Variants in PARD3B observed in about 807,000 individuals in gnomAD.
PARD3B encodes partitioning defective 3 homolog B.
Under a neutral mutation model 130.2 loss-of-function variants are expected in PARD3B, and 103 were observed. That is an observed-to-expected ratio of 0.79 (90% CI 0.67 to 0.93). The LOEUF is 0.93. Among genes scored for constraint, PARD3B ranks in the 40% least tolerant of loss-of-function variants. The pLI is 0.00. For synonymous variants in PARD3B, 583 were observed against 553.2 expected, an observed-to-expected ratio of 1.05 and a Z score of -0.76; for missense variants, 1,609 against 1,499.2, an observed-to-expected ratio of 1.07 and a Z score of -1.21.
At chr2:205,315,330 G>A (rs562513640) in intron 18 of PARD3B, among the ~76,000 whole-genome samples, 2 of 152,040 alleles carry the variant, frequency 1.3e-5, no homozygotes, top group Non-Finnish European at 2.9e-5. Flanking sequence ...GAGTGGCCCC[G>A]AGACTAAACG....
rs2030291784 is a variant in PARD3B, at chr2:205,119,002, T to C, written c.762T>C (p.Ile254=). 1.9e-6 allele frequency: 3 copies of C among 1,611,124 alleles called. No homozygotes were observed. Among genetic ancestry groups the C allele is most frequent in the African/African-American group, 2.7e-5 (2 of 74,776 alleles). ...REGLFHENEC[I]VKINNVDLVD... ...GACTATTTCACGAAAATGAATGTAT[T>C]GTAAAAATCAACAATGTGGATCTCG... Residue 254 remains isoleucine, a synonymous_variant, in exon 7 of 23, where the codon ATT becomes ATC. Coordinates refer to ENST00000406610, the MANE Select transcript of PARD3B (RefSeq NM_001302769.2).
At chr2:205,436,620 TTAAA>T (rs2047526011) in intron 19 of PARD3B, among the ~76,000 whole-genome samples, 1 of 152,156 alleles carries the variant, frequency 6.6e-6, no homozygotes, top group African/African-American at 2.4e-5. Context: ...AAATATAGTA[TTAAA>T]TAACATGGGC....
chr2:204,999,239 T>C (rs1277723144), intron 3 of PARD3B, among the ~76,000 whole-genome samples: 1 of 152,144 alleles, frequency 6.6e-6, no homozygotes, highest in Non-Finnish European at 1.5e-5. Flanking sequence ...ATTATCGTTG[T>C]CATCATCATT....
chr2:204,612,584 T>G (rs2033967853), intron 1 of PARD3B, among the ~76,000 whole-genome samples: 1 of 152,224 alleles, frequency 6.6e-6, no homozygotes, highest in Non-Finnish European at 1.5e-5. Flanking sequence ...TGTCTGTGCA[T>G]GTATATATCT....
intron 10 of PARD3B, among the ~76,000 whole-genome samples, chr2:205,154,866 G>A (rs1350651418): frequency 2.0e-5 from 3 of 152,118 alleles, no homozygotes; most frequent in Non-Finnish European, 4.4e-5. Flanking sequence ...TGGACACAGG[G>A]TGGGGAACTT....
intron 2 of PARD3B, among the ~76,000 whole-genome samples, chr2:204,918,744 T>G (rs1402297222): frequency 6.6e-6 from 1 of 152,208 alleles, no homozygotes; most frequent in Non-Finnish European, 1.5e-5. Flanking sequence ...CAGTTTGTTC[T>G]TTTTGAGGGA....
chr2:204,914,611 T>C (rs936259742), intron 2 of PARD3B, among the ~76,000 whole-genome samples: 3 of 152,116 alleles, frequency 2.0e-5, no homozygotes, highest in Non-Finnish European at 4.4e-5. Flanking sequence ...ATGTATCATG[T>C]AGGAATTGTT....
At chr2:204,674,780 A>G (rs998035704) in intron 1 of PARD3B, among the ~76,000 whole-genome samples, 2 of 152,178 alleles carry the variant, frequency 1.3e-5, no homozygotes, top group South Asian at 2.1e-4. Flanking sequence ...AGTCATTCAT[A>G]TACACAAAGA....
intron 2 of PARD3B, among the ~76,000 whole-genome samples, chr2:204,710,056 T>TAAA (rs1211438115): frequency 6.6e-6 from 1 of 152,114 alleles, no homozygotes; most frequent in Non-Finnish European, 1.5e-5. Flanking sequence ...ACTCGTAGAG[T>TAAA]TACCTGTCTA....
chr2:205,473,685 TA>T lies in PARD3B; in HGVS notation c.3045-26210del, dbSNP rs1403766608. On this transcript the variant is annotated intron_variant, in intron 20 of 22. Transcript: ENST00000406610. This position sits in a 1 kb window ranked among gnomAD's most constrained non-coding sequence, Gnocchi z 4.9. ...GTGTGTGTGTGTGTGTGTGTGTATG[TA>T]TATATATATATATATATATATATAC... Among the ~76,000 whole-genome samples, 1 of 22,446 alleles carries T rather than the reference TA, an allele frequency of 4.5e-5. No homozygotes were observed. The highest frequency in any genetic ancestry group is 9.5e-5 in the Non-Finnish European group (1 of 10,486). The allele number at this position is 22,446 out of a possible 152,430, so 14.7% of individuals were successfully genotyped here. A position where few individuals can be genotyped will look rare whatever the true frequency, so the allele number is the denominator to read the frequency against.
In PARD3B at chr2:204,890,363, C is replaced by T. The variant is rs911912852; in HGVS notation, c.223-74789C>T. On this transcript the variant is annotated intron_variant, in intron 2 of 22. Transcript: ENST00000406610. The surrounding 1 kb of genome is among the most constrained non-coding windows in gnomAD (Gnocchi z 4.9). ...AATGCTTGTGTTTTCCTAATATATC[C>T]AGAAGGAGAAAATAATTTTCAGCCC... Among the ~76,000 whole-genome samples, 3 of 152,126 alleles carry T rather than the reference C, an allele frequency of 2.0e-5. No homozygotes were observed. Among genetic ancestry groups the T allele is most frequent in the Non-Finnish European group, 4.4e-5 (3 of 68,026 alleles).
At chr2:205,373,364 G>C (rs2105913172) in intron 18 of PARD3B, among the ~76,000 whole-genome samples, 1 of 152,294 alleles carries the variant, frequency 6.6e-6, no homozygotes, top group Admixed American at 6.5e-5. Flanking sequence ...TCCTAAAACT[G>C]CGAACCATTT....
chr2:205,317,760 A>G (rs529004846), intron 18 of PARD3B, among the ~76,000 whole-genome samples: 5 of 152,340 alleles, frequency 3.3e-5, no homozygotes, highest in Admixed American at 3.3e-4. Flanking sequence ...TTTAAAAACC[A>G]TATACAACAA....
At chr2:204,592,091 C>T (rs1003245080) in intron 1 of PARD3B, among the ~76,000 whole-genome samples, 6 of 152,232 alleles carry the variant, frequency 3.9e-5, no homozygotes, top group East Asian at 1.9e-4. Flanking sequence ...CAGACCTGCC[C>T]GGAGGGCAAG....
rs544505852 is a variant in PARD3B at position 204,545,841 on chromosome 2, A to C, written c.-159A>C. On this transcript the variant is annotated 5_prime_UTR_variant, in exon 1 of 23. Transcript: ENST00000406610. ...GCCACCTGCCGCCTGGCCAGGTGGA[A>C]GGGGCGCTGCCGCGAGCCTCCGGGC... 1 of 740,486 alleles carries C rather than the reference A, an allele frequency of 1.4e-6. No homozygotes were observed. The highest frequency in any genetic ancestry group is 3.5e-5 in the East Asian group (1 of 28,892). The allele number at this position is 740,486 out of a possible 1,614,324, so 45.9% of individuals were successfully genotyped here.
chr2:204,855,787 G>A (rs1459292288), intron 2 of PARD3B, among the ~76,000 whole-genome samples: 1 of 151,890 alleles, frequency 6.6e-6, no homozygotes, highest in Non-Finnish European at 1.5e-5. Flanking sequence ...TTCCTCATGT[G>A]AGTGAGATCA....
chr2:204,624,826 G>A (rs1487136613), intron 1 of PARD3B, among the ~76,000 whole-genome samples: 2 of 152,078 alleles, frequency 1.3e-5, no homozygotes, highest in African/African-American at 2.4e-5. Context: ...TTCCAGAGTA[G>A]CTGTACTGCT....
At chr2:205,228,791 G>T (rs1027199451) in intron 15 of PARD3B, among the ~76,000 whole-genome samples, 2 of 147,130 alleles carry the variant, frequency 1.4e-5, no homozygotes, top group Non-Finnish European at 3.0e-5. Context: ...GTGCTTCATT[G>T]TTTTTTTATT....
intron 2 of PARD3B, among the ~76,000 whole-genome samples, chr2:204,708,322 C>G (rs1449693462): frequency 1.3e-5 from 2 of 151,958 alleles, no homozygotes; most frequent in African/African-American, 4.8e-5. Context: ...AATGTGTGTA[C>G]TTGTGTTTAT....
Sources: allele counts gnomAD v4.1 joint callset (sites outside exome capture counted in the v4.1 genomes callset), GRCh38; gene constraint gnomAD v4.1.1; non-coding constraint Gnocchi (gnomAD v3.1); transcripts MANE v1.5; gene names NCBI Gene and HGNC (gene_info 2026-07-23, HGNC 2026-07-21).